PALS2: variants seen among roughly 807,000 people sequenced by gnomAD.
PALS2 encodes protein associated with LIN7 2, MAGUK p55 family member.
Under a neutral mutation model 61.6 loss-of-function variants are expected in PALS2, and 27 were observed. The observed-to-expected ratio is 0.44, with a 90% CI of 0.32 to 0.60. The LOEUF is 0.60. Ranked by LOEUF, PALS2 falls within the 20% of genes least tolerant of loss-of-function variation. The pLI is 0.05. For synonymous variants in PALS2, 236 were observed against 218.6 expected (o/e 1.08, Z -0.70); for missense variants, 554 against 639.4 (o/e 0.87, Z 1.44).
intron 9 of PALS2, among the ~76,000 whole-genome samples, chr7:24,677,060 G>A (rs1787650836): frequency 6.6e-6 from 1 of 151,802 alleles, no homozygotes; most frequent in East Asian, 1.9e-4. Flanking sequence ...GTTGAGCAGT[G>A]GTTTGTAGTT....
intron 1 of PALS2, among the ~76,000 whole-genome samples, chr7:24,576,268 A>T (rs1782639421): frequency 6.6e-6 from 1 of 152,144 alleles, no homozygotes; most frequent in African/African-American, 2.4e-5. Context: ...TGTAGGGACC[A>T]GTTTTGTTTA....
At chr7:24,599,393 A>G (rs894926108) in intron 1 of PALS2, among the ~76,000 whole-genome samples, 3 of 151,908 alleles carry the variant, frequency 2.0e-5, no homozygotes, top group Non-Finnish European at 4.4e-5. Flanking sequence ...TTATCTTACT[A>G]TAACTTTTTT....
chr7:24,655,754 G>A (rs757558845), intron 5 of PALS2, among the ~76,000 whole-genome samples: 2 of 149,410 alleles, frequency 1.3e-5, no homozygotes, highest in Admixed American at 1.4e-4. Context: ...TCCACCGCCC[G>A]GGTTCAAGTA....
intron 3 of PALS2, among the ~76,000 whole-genome samples, chr7:24,646,981 G>A (rs1785866363): frequency 6.6e-6 from 1 of 151,742 alleles, no homozygotes; most frequent in Non-Finnish European, 1.5e-5. Flanking sequence ...TATTTCTGTG[G>A]GTTCAGTAGT....
intron 11 of PALS2, 58 bp downstream of exon 11, chr7:24,680,578 A>G: frequency 6.5e-7 from 1 of 1,531,754 alleles, no homozygotes; most frequent in Non-Finnish European, 8.8e-7. Flanking sequence ...GAGCATGTTT[A>G]ACTGTTATCT....
chr7:24,575,335 A>G (rs182576048), intron 1 of PALS2, among the ~76,000 whole-genome samples: 2 of 152,334 alleles, frequency 1.3e-5, no homozygotes, highest in East Asian at 1.9e-4. Context: ...GTAGCTCTAT[A>G]TAAGACAGAA....
intron 5 of PALS2, among the ~76,000 whole-genome samples, chr7:24,652,589 CTTT>C (rs139053481): frequency 2.1e-5 from 3 of 144,800 alleles, no homozygotes; most frequent in Non-Finnish European, 4.6e-5. Context: ...CAAATTGAGA[CTTT>C]TTTTTTTTTA....
rs1331788772 is a variant in PALS2, at chr7:24,687,146, G to A, written c.1447-292G>A. ...CTGCAGTAATTGTTTTGTTACTGTA[G>A]ATTCATTCCAAGATTATTTTCAGCA... On this transcript the variant is annotated intron_variant, in intron 11 of 11. Transcript: ENST00000222644. The surrounding 1 kb of genome is among the most constrained non-coding windows in gnomAD (Gnocchi z 4.5). Among the ~76,000 whole-genome samples the A allele has an allele frequency of 6.6e-6, 1 of 152,166 alleles. No individual in the cohort carries two copies. Among genetic ancestry groups the A allele is most frequent in the Non-Finnish European group, 1.5e-5 (1 of 68,024 alleles).
chr7:24,655,479 A>T (rs1786367374), intron 5 of PALS2, among the ~76,000 whole-genome samples: 1 of 152,096 alleles, frequency 6.6e-6, no homozygotes, highest in African/African-American at 2.4e-5. Flanking sequence ...ATCAAGTAGG[A>T]TTTTAATGTT....
chr7:24,579,258 T>G (rs1782748175), intron 1 of PALS2, among the ~76,000 whole-genome samples: 1 of 152,220 alleles, frequency 6.6e-6, no homozygotes, highest in Admixed American at 6.5e-5. Context: ...TGGAAAATGT[T>G]TGATAATACT....
At position 24,689,025 on chromosome 7, in the gene PALS2, G is replaced by C. The variant is rs577409764; in HGVS notation, c.*1411G>C. ...GATGGGGTTTCACCATGTTGGCCAG[G>C]GTGGTCTCGAGCTCCTGACCTCAAG... On this transcript the variant is annotated 3_prime_UTR_variant, in exon 12 of 12. Transcript: ENST00000222644. The C allele has an allele frequency of 6.6e-6, 1 of 152,076 alleles. No individual in the cohort carries two copies. Among genetic ancestry groups the C allele is most frequent in the Non-Finnish European group, 1.5e-5 (1 of 68,038 alleles). 9.4% of individuals were successfully genotyped at this position (152,076 alleles called of 1,614,324 possible).
intron 1 of PALS2, among the ~76,000 whole-genome samples, chr7:24,585,551 G>A (rs1355598005): frequency 2.0e-5 from 3 of 152,106 alleles, no homozygotes; most frequent in African/African-American, 2.4e-5. Flanking sequence ...TAGCCAAGTC[G>A]GTATTTATAG....
At chr7:24,663,987 A>G (rs1428027249) in intron 6 of PALS2, among the ~76,000 whole-genome samples, 2 of 152,208 alleles carry the variant, frequency 1.3e-5, no homozygotes, top group East Asian at 1.9e-4. Context: ...CACATGGGTA[A>G]TTGCATTAAA....
chr7:24,616,928 G>A (rs764825870), intron 1 of PALS2, among the ~76,000 whole-genome samples: 15 of 152,084 alleles, frequency 9.9e-5, no homozygotes, highest in African/African-American at 1.4e-4. Flanking sequence ...GGACTTTTGT[G>A]CTTCCTGGAT....
At position 24,618,724 on chromosome 7, in the gene PALS2, G is replaced by T. The variant is rs551864264; in HGVS notation, c.-2-4942G>T. ...CAAGGAGAAGTCCCTTCTGACTCTG[G>T]GCCATTCCAGGCTCGGAGGATGGGA... On this transcript the variant is annotated intron_variant, in intron 1 of 11. Transcript: ENST00000222644. The surrounding 1 kb of genome is among the most constrained non-coding windows in gnomAD (Gnocchi z 5.1). Among the ~76,000 whole-genome samples, 1 of 152,268 alleles carries T rather than the reference G, an allele frequency of 6.6e-6. No homozygotes were observed. Among genetic ancestry groups the T allele is most frequent in the South Asian group, 2.1e-4 (1 of 4,824 alleles).
At chr7:24,615,898 A>G (rs1022963161) in intron 1 of PALS2, among the ~76,000 whole-genome samples, 24 of 152,148 alleles carry the variant, frequency 1.6e-4, no homozygotes, top group Non-Finnish European at 2.9e-5. Flanking sequence ...CAATGGTTCA[A>G]TATACACAAA....
rs978136207 is a variant in PALS2 at position 24,693,817 on chromosome 7, C to G, written c.*6203C>G. ...GTATTCAGCAACAAGTGCAATTTCT[C>G]CATGTTATGTTGAGCTCTGTTGGAG... On this transcript the variant is annotated 3_prime_UTR_variant, in exon 12 of 12. Coordinates refer to ENST00000222644, the MANE Select transcript of PALS2 (RefSeq NM_001303037.2). The G allele has an allele frequency of 6.6e-6, 1 of 152,056 alleles. No individual in the cohort carries two copies. Among genetic ancestry groups the G allele is most frequent in the Non-Finnish European group, 1.5e-5 (1 of 68,004 alleles). 9.4% of individuals were successfully genotyped at this position (152,056 alleles called of 1,614,324 possible). A position where few individuals can be genotyped will look rare whatever the true frequency, so the allele number is the denominator to read the frequency against.
intron 2 of PALS2, among the ~76,000 whole-genome samples, chr7:24,634,739 A>G (rs1359040783): frequency 2.0e-5 from 3 of 152,158 alleles, no homozygotes; most frequent in African/African-American, 7.2e-5. Flanking sequence ...ATATTACGTT[A>G]GGCACCAACT....
chr7:24,612,022 G>T (rs1329035787), intron 1 of PALS2, among the ~76,000 whole-genome samples: 1 of 151,848 alleles, frequency 6.6e-6, no homozygotes, highest in Non-Finnish European at 1.5e-5. Context: ...TATTTACGAG[G>T]TAGAATTTAC....
Sources: gnomAD v4.1 joint callset for allele counts (sites outside exome capture counted in the v4.1 genomes callset) on GRCh38, gnomAD v4.1.1 for gene constraint, Gnocchi (gnomAD v3.1) non-coding constraint, MANE v1.5 for transcripts, NCBI Gene and HGNC (gene_info 2026-07-23, HGNC 2026-07-21) for gene names.